NUDT21: variants seen among roughly 807,000 people sequenced by gnomAD.
NUDT21 encodes the protein cleavage and polyadenylation specificity factor subunit 5.
NUDT21 carries 5 observed loss-of-function variants against 29.8 expected under a neutral mutation model. That is an observed-to-expected ratio of 0.17 (90% CI 0.09 to 0.35). The LOEUF is 0.35. NUDT21 is among the 10% of genes least tolerant of loss of function. The probability of loss-of-function intolerance (pLI) is 1.00; values close to 1 mark genes in which losing one functional copy is unlikely to be tolerated. For missense variants in NUDT21, 76 were observed against 276.0 expected (o/e 0.28, Z 5.13); for synonymous variants, 113 against 98.5 (o/e 1.15, Z -0.87).
Position 56,439,695 on chromosome 16 carries a change from T to C in NUDT21, c.433A>G (p.Ile145Val). Residue 145 changes from isoleucine (I) to valine (V), a missense_variant, in exon 4 of 7, where the codon ATT (isoleucine) becomes GTT (valine). Ile to Val is a conservative substitution (Grantham distance 29). Around this residue, in one of 5 missense-constraint regions of NUDT21, gnomAD observed 27 missense variants for 149.5 expected, o/e 0.18. Transcript: ENST00000300291. Reference protein sequence around the residue: ...VLQDWVIDDCIGNWWRPNFEP... With the variant: ...VLQDWVIDDCVGNWWRPNFEP... ...AAATTTGGTCTCCACCAGTTACCAA[T>C]GCAATCGTCAATGACCCAGTCTTGC... 6.2e-7 allele frequency: 1 copy of C among 1,614,092 alleles called. No individual in the cohort carries two copies. The highest frequency in any genetic ancestry group is 8.5e-7 in the Non-Finnish European group (1 of 1,179,964).
chr16:56,439,613 C>G (rs781066271), intron 4 of NUDT21, 44 bp downstream of exon 4: 21 of 1,275,174 alleles, frequency 1.6e-5, no homozygotes, highest in Non-Finnish European at 2.2e-5. Flanking sequence ...ATTAAACGAG[C>G]TTTCTGCTTC....
chr16:56,441,697 C>A (rs1230247356), intron 3 of NUDT21, among the ~76,000 whole-genome samples: 1 of 152,184 alleles, frequency 6.6e-6, no homozygotes, highest in Admixed American at 6.5e-5. Context: ...TTAGTATGAT[C>A]CGGTAGATCA....
chr16:56,450,283 C>T (rs1007463468), intron 1 of NUDT21, among the ~76,000 whole-genome samples: 1 of 152,202 alleles, frequency 6.6e-6, no homozygotes, highest in African/African-American at 2.4e-5. Context: ...ACACCCCAAA[C>T]GCCAATTACC....
At chr16:56,447,765 C>T (rs752987383) in intron 2 of NUDT21, 24 bp downstream of exon 2, 6 of 1,608,814 alleles carry the variant, frequency 3.7e-6, no homozygotes, top group Non-Finnish European at 5.1e-6. Context: ...AACTGTCTTG[C>T]TGTTAATTTC....
chr16:56,448,609 C>T (rs1388672044), intron 1 of NUDT21, among the ~76,000 whole-genome samples: 1 of 152,156 alleles, frequency 6.6e-6, no homozygotes, highest in Admixed American at 6.5e-5. Flanking sequence ...GTTTCCTTCT[C>T]CTCATCTGAA....
Position 56,432,402 on chromosome 16 carries a change from GA to G in NUDT21, c.*309del, listed in dbSNP as rs1161052704. On this transcript the variant is annotated 3_prime_UTR_variant, in exon 7 of 7. Coordinates refer to ENST00000300291, the MANE Select transcript of NUDT21 (RefSeq NM_007006.3). ...AACATTCACCATCCTAAGGTGGGGG[GA>G]AAAATGATCCTCACCTATAAGAATT... is the stretch of plus-strand genomic sequence containing the variant. The G allele has an allele frequency of 5.4e-5, 13 of 239,066 alleles. No homozygotes were observed. Among genetic ancestry groups the G allele is most frequent in the South Asian group, 1.3e-4 (1 of 7,578 alleles). The allele number at this position is 239,066 out of a possible 1,614,324, so 14.8% of individuals were successfully genotyped here. A position where few individuals can be genotyped will look rare whatever the true frequency, so the allele number is the denominator to read the frequency against.
intron 4 of NUDT21, among the ~76,000 whole-genome samples, chr16:56,438,729 C>T (rs1962130038): frequency 1.4e-5 from 2 of 145,234 alleles, no homozygotes; most frequent in African/African-American, 5.1e-5. Context: ...ACATATTCAA[C>T]AACAACAGGG....
intron 1 of NUDT21, among the ~76,000 whole-genome samples, chr16:56,449,712 T>C (rs1364584658): frequency 6.6e-6 from 1 of 152,192 alleles, no homozygotes; most frequent in African/African-American, 2.4e-5. Context: ...CCGAAAGTAA[T>C]CCAGAAGCTG....
chr16:56,437,305 A>T (rs1055781925), intron 4 of NUDT21, among the ~76,000 whole-genome samples: 3 of 152,238 alleles, frequency 2.0e-5, no homozygotes, highest in African/African-American at 7.2e-5. Flanking sequence ...TAATTTGCCT[A>T]AAGAATTCAG....
At chr16:56,450,998 G>A (rs1202023635) in intron 1 of NUDT21, 89 bp downstream of exon 1, 11 of 1,127,428 alleles carry the variant, frequency 9.8e-6, no homozygotes, top group Non-Finnish European at 1.4e-5. Context: ...GTGCAGAGGC[G>A]TGAAGCGCGC....
Position 56,429,742 on chromosome 16 carries a change from A to G in NUDT21, c.*2970T>C, listed in dbSNP as rs192001016. On this transcript the variant is annotated 3_prime_UTR_variant, in exon 7 of 7. Transcript: ENST00000300291. ...CAACAACCACTAAGCCTTCTTTGGC[A>G]ATGAAACATACAAAATTGCAAACTC... 1 of 152,356 alleles carries G rather than the reference A, an allele frequency of 6.6e-6. No individual in the cohort carries two copies. The highest frequency in any genetic ancestry group is 1.9e-4 in the East Asian group (1 of 5,192). The allele number at this position is 152,356 out of a possible 1,614,324, so 9.4% of individuals were successfully genotyped here. A position where few individuals can be genotyped will look rare whatever the true frequency, so the allele number is the denominator to read the frequency against.
intron 4 of NUDT21, among the ~76,000 whole-genome samples, chr16:56,435,757 A>ATATATATT (rs1962094954): frequency 1.3e-5 from 1 of 76,412 alleles, no homozygotes; most frequent in African/African-American, 5.0e-5. Context: ...ATATATATAT[A>ATATATATT]TATATATATA....
In NUDT21 at chr16:56,434,345, A is replaced by T; in HGVS notation, c.648T>A (p.Pro216=). ...PGYGPIISSL[P]QLLSRFNFIY... ...ACTTTCTGTACCTGCTCAACAGCTG[A>T]GGGAGACTAGAAATGATGGGTCCAT... The change falls in exon 6 of 7, where the codon CCT becomes CCA. Residue 216 remains proline (P), a synonymous_variant. Transcript: ENST00000300291. 6.2e-7 allele frequency: 1 copy of T among 1,608,366 alleles called. No individual in the cohort carries two copies. The highest frequency in any genetic ancestry group is 1.7e-5 in the Admixed American group (1 of 59,982).
chr16:56,442,541 A>C (rs1365668955), intron 3 of NUDT21, among the ~76,000 whole-genome samples: 4 of 151,964 alleles, frequency 2.6e-5, no homozygotes, highest in Admixed American at 6.6e-5. Context: ...TCCACCTCCC[A>C]CTTTGGAAGC....
rs750908193 is a variant in NUDT21 at position 56,451,125 on chromosome 16, C to T, written c.78G>A (p.Gln26=). ...GCTCCAGGGTGAGGGGCTTCGTCTGCTGGATGTACTTGTTGCCGAACTGAG... is the reference window on the plus strand; with the variant it reads ...GCTCCAGGGTGAGGGGCTTCGTCTGTTGGATGTACTTGTTGCCGAACTGAG... The part of the protein sequence containing the change: ...GVTQFGNKYI[Q]QTKPLTLERT... The change falls in exon 1 of 7, where the codon CAG becomes CAA. Residue 26 remains glutamine (Q), a synonymous_variant. Coordinates refer to ENST00000300291, the MANE Select transcript of NUDT21 (RefSeq NM_007006.3). 1 of 1,613,744 alleles carries T rather than the reference C, an allele frequency of 6.2e-7. No homozygotes were observed. The highest frequency in any genetic ancestry group is 1.1e-5 in the South Asian group (1 of 91,020).
intron 1 of NUDT21, among the ~76,000 whole-genome samples, chr16:56,448,409 T>A (rs1162314658): frequency 1.3e-5 from 2 of 152,210 alleles, no homozygotes; most frequent in African/African-American, 4.8e-5. Context: ...GCTAATTTCT[T>A]TTTCCTAAAA....
At chr16:56,439,423 G>A (rs1962137458) in intron 4 of NUDT21, 4 of 432,826 alleles carry the variant, frequency 9.2e-6, no homozygotes, top group Admixed American at 3.6e-5. Flanking sequence ...TGATCCACCC[G>A]CCTCGGCCTC....
rs1366710702 is a variant in NUDT21 at position 56,430,273 on chromosome 16, GA to G, written c.*2438del. 1.3e-5 allele frequency: 2 copies of G among 152,132 alleles called. No homozygotes were observed. The highest frequency in any genetic ancestry group is 2.9e-5 in the Non-Finnish European group (2 of 68,028). 9.4% of individuals were successfully genotyped at this position (152,132 alleles called of 1,614,324 possible). A position where few individuals can be genotyped will look rare whatever the true frequency, so the allele number is the denominator to read the frequency against. On this transcript the variant is annotated 3_prime_UTR_variant, in exon 7 of 7. Transcript: ENST00000300291. Reference sequence around the variant, plus strand: ...AACAAACTTCACTCTTCTCCAAAGGGATAAGTCCATCCTAAATGTAACTACA... The same window carrying G: ...AACAAACTTCACTCTTCTCCAAAGGGTAAGTCCATCCTAAATGTAACTACA...
intron 3 of NUDT21, among the ~76,000 whole-genome samples, chr16:56,444,437 A>AG (rs753804034): frequency 2.0e-5 from 3 of 151,902 alleles, no homozygotes; most frequent in African/African-American, 2.4e-5. Context: ...TATAAAAATT[A>AG]GCTGGGCATG....
Sources: gnomAD v4.1 joint callset for allele counts (sites outside exome capture counted in the v4.1 genomes callset) on GRCh38, gnomAD v4.1.1 for gene constraint, gnomAD v4.1.1 regional missense constraint, MANE v1.5 for transcripts, NCBI Gene and HGNC (gene_info 2026-07-23, HGNC 2026-07-21) for gene names.